RP1: variants seen among roughly 807,000 people sequenced by gnomAD.
RP1 encodes oxygen-regulated protein 1.
RP1 carries 16 observed loss-of-function variants against 14.8 expected under a neutral mutation model. The ratio of observed to expected loss-of-function variants is 1.08; its 90% CI spans 0.73 to 1.65. The LOEUF (loss-of-function observed/expected upper bound fraction) is 1.65, where lower values mean the gene tolerates loss of function less well. RP1 is among the 40% of genes most tolerant of loss of function. The pLI is 0.00. For synonymous variants in RP1, 876 were observed against 883.6 expected, an observed-to-expected ratio of 0.99 and a Z score of 0.15; for missense variants, 2,631 against 2,535.0, an observed-to-expected ratio of 1.04 and a Z score of -0.81.
chr8:54,595,026 A>G (rs963438407), intron 1 of RP1, among the ~76,000 whole-genome samples: 11 of 152,148 alleles, frequency 7.2e-5, no homozygotes, highest in African/African-American at 2.7e-4. Context: ...AAATCCCTAT[A>G]ATAAATAAAC....
chr8:54,802,130 A>G (rs999524170), intron 24 of RP1, among the ~76,000 whole-genome samples: 1 of 152,232 alleles, frequency 6.6e-6, no homozygotes, highest in Non-Finnish European at 1.5e-5. Context: ...ATTTAGAAAC[A>G]TAAGTCCACT....
intron 1 of RP1, among the ~76,000 whole-genome samples, chr8:54,581,501 A>G (rs1163059588): frequency 6.6e-6 from 1 of 152,224 alleles, no homozygotes; most frequent in East Asian, 1.9e-4. Context: ...CATGTTTTAT[A>G]ATCCTTTGGG....
intron 26 of RP1, among the ~76,000 whole-genome samples, chr8:54,854,587 G>T (rs1359118840): frequency 6.6e-6 from 1 of 152,168 alleles, no homozygotes; most frequent in Admixed American, 6.5e-5. Flanking sequence ...ATTGTGGGCT[G>T]GGCACAGTAG....
intron 24 of RP1, among the ~76,000 whole-genome samples, chr8:54,785,010 T>C (rs1810284212): frequency 6.6e-6 from 1 of 152,106 alleles, no homozygotes; most frequent in Non-Finnish European, 1.5e-5. Flanking sequence ...TACATACATA[T>C]ATTGTATAAT....
chr8:54,788,995 A>G (rs1810395489), intron 24 of RP1, among the ~76,000 whole-genome samples: 1 of 152,288 alleles, frequency 6.6e-6, no homozygotes, highest in East Asian at 1.9e-4. Flanking sequence ...CATCATACCC[A>G]GCTAGTCCTA....
chr8:54,826,608 A>G (rs1285435467), intron 24 of RP1, among the ~76,000 whole-genome samples: 1 of 152,180 alleles, frequency 6.6e-6, no homozygotes, highest in African/African-American at 2.4e-5. Context: ...TATTTTTTAC[A>G]TCAAATAATC....
intron 1 of RP1, among the ~76,000 whole-genome samples, chr8:54,579,522 T>A (rs1430571570): frequency 1.3e-5 from 2 of 152,174 alleles, no homozygotes; most frequent in East Asian, 3.9e-4. Flanking sequence ...GTGAGTTGCC[T>A]GTAGGAATGA....
At chr8:54,592,352 C>T (rs1805058879) in intron 1 of RP1, among the ~76,000 whole-genome samples, 1 of 152,132 alleles carries the variant, frequency 6.6e-6, no homozygotes, top group African/African-American at 2.4e-5. Flanking sequence ...ATGACTGTGC[C>T]AGGTTGGTAT....
Position 54,648,996 on chromosome 8 carries a change from A to T in RP1, c.799A>T (p.Lys267Ter). ...TTTTTCTTTTATAGGTAGTAACTGG[A>T]AAGTTTTTATAATCACCAGTGACTT... is the stretch of plus-strand genomic sequence containing the variant. The change falls in exon 4 of 23, where the codon AAA becomes TAA. Residue 267 changes from lysine (K) to a stop codon, truncating the protein, a stop_gained. Coordinates refer to the RP1 transcript ENST00000636932. LOFTEE classifies it high-confidence loss of function. 1 of 1,507,262 alleles carries T rather than the reference A, an allele frequency of 6.6e-7. No homozygotes were observed. The highest frequency in any genetic ancestry group is 8.8e-7 in the Non-Finnish European group (1 of 1,138,434). 93.4% of individuals were successfully genotyped at this position (1,507,262 alleles called of 1,614,324 possible).
intron 19 of RP1, among the ~76,000 whole-genome samples, chr8:54,752,581 G>C (rs1486819743): frequency 6.6e-6 from 1 of 152,180 alleles, no homozygotes; most frequent in African/African-American, 2.4e-5. Context: ...TTCCAGTTCA[G>C]AGTTGTGGGT....
At chr8:54,852,421 A>G (rs934336598) in intron 25 of RP1, among the ~76,000 whole-genome samples, 4 of 152,180 alleles carry the variant, frequency 2.6e-5, no homozygotes, top group Non-Finnish European at 5.9e-5. Flanking sequence ...AGCTGGAAGT[A>G]TGTTTGAAAG....
chr8:54,613,560 G>A (rs982154359), upstream of RP1, among the ~76,000 whole-genome samples: 15 of 152,196 alleles, frequency 9.9e-5, no homozygotes, highest in African/African-American at 3.6e-4. Context: ...CCAGTTGTTT[G>A]TGCAGTATGA....
intron 1 of RP1, among the ~76,000 whole-genome samples, chr8:54,562,561 C>T (rs1804309891): frequency 6.6e-6 from 1 of 151,872 alleles, no homozygotes; most frequent in African/African-American, 2.4e-5. Flanking sequence ...GTAATCCCAG[C>T]TACTCAGGAG....
intron 24 of RP1, among the ~76,000 whole-genome samples, chr8:54,787,948 T>C (rs1029125509): frequency 6.6e-6 from 1 of 152,218 alleles, no homozygotes; most frequent in Non-Finnish European, 1.5e-5. Flanking sequence ...CTTTGTAAAA[T>C]GAGTGCAACA....
At chr8:54,606,421 C>T (rs1433925345) in intron 1 of RP1, among the ~76,000 whole-genome samples, 1 of 151,772 alleles carries the variant, frequency 6.6e-6, no homozygotes, top group Non-Finnish European at 1.5e-5. Flanking sequence ...TGCTGTTACT[C>T]TGATGGGCTT....
intron 9 of RP1, among the ~76,000 whole-genome samples, chr8:54,678,872 T>G (rs1227780127): frequency 6.6e-6 from 1 of 152,146 alleles, no homozygotes; most frequent in African/African-American, 2.4e-5. Flanking sequence ...TAAAAAATAA[T>G]AAATATACAC....
At chr8:54,565,100 A>T (rs1285251041) in intron 1 of RP1, among the ~76,000 whole-genome samples, 1 of 152,158 alleles carries the variant, frequency 6.6e-6, no homozygotes, top group African/African-American at 2.4e-5. Context: ...GTGTGAACAG[A>T]CAGGAGTGTG....
chr8:54,692,151 G>C (rs567872188), intron 12 of RP1, among the ~76,000 whole-genome samples: 3 of 151,306 alleles, frequency 2.0e-5, no homozygotes, highest in East Asian at 3.9e-4. Context: ...TGAACTCATC[G>C]TTTTTTATGG....
At chr8:54,844,415 G>A (rs185178379) in intron 25 of RP1, among the ~76,000 whole-genome samples, 1 of 152,224 alleles carries the variant, frequency 6.6e-6, no homozygotes, top group South Asian at 2.1e-4. Flanking sequence ...TAAGATGTAA[G>A]GTCTCATGGA....
Sources: allele counts gnomAD v4.1 joint callset (sites outside exome capture counted in the v4.1 genomes callset), GRCh38; gene constraint gnomAD v4.1.1; transcripts MANE v1.5; gene names NCBI Gene and HGNC (gene_info 2026-07-23, HGNC 2026-07-21).